The following NBPF20 variants were observed in gnomAD, a reference collection of about 807,000 sequenced individuals.
The protein encoded by NBPF20 is NBPF member 20.
A neutral mutation model predicts 68.1 loss-of-function variants in NBPF20; 90 were observed. The ratio of observed to expected loss-of-function variants is 1.32; its 90% CI spans 1.11 to 1.58. NBPF20 has a LOEUF of 1.58. Ranked by LOEUF, NBPF20 falls within the 40% of genes most tolerant of loss-of-function variation. NBPF20 has a pLI of 0.00. For synonymous variants in NBPF20, 290 were observed against 228.1 expected (o/e 1.27, Z -2.45); for missense variants, 816 against 601.2 (o/e 1.36, Z -3.74).
chr1:145,311,821 C>G (rs1481258103), intron 112 of NBPF20, among the ~76,000 whole-genome samples: 1 of 100,084 alleles, frequency 1.0e-5, no homozygotes, highest in South Asian at 3.3e-4. Context: ...ACTATTCAGC[C>G]CTGTCTCATC....
At chr1:145,410,700 A>ATGTGTGTGTG in the NBPF20 span, among the ~76,000 whole-genome samples, 2 of 118,326 alleles carry the variant, frequency 1.7e-5, no homozygotes, top group Admixed American at 8.9e-5. Context: ...ATATATATAT[A>ATGTGTGTGTG]TGTGTGTGTG....
exon 8 of NBPF20, chr1:145,395,058 A>T (rs1402776346): frequency 1.6e-5 from 26 of 1,611,122 alleles, no homozygotes; most frequent in Non-Finnish European, 2.0e-5. Flanking sequence ...CGAGGCCAAC[A>T]TTTCAGGAGG....
Position 145,334,451 on chromosome 1 carries a change from G to C in NBPF20, c.10225+8C>G. On this transcript the variant is annotated splice_region_variant and intron_variant, in intron 84 of 137. Coordinates refer to ENST00000369373, the Ensembl canonical transcript of NBPF20. ...GGAGGCTTATCACCTTCACAGTAAGGTACTCACTGTCCACGTCAAGAGCCA... is the reference window on the plus strand; with the variant it reads ...GGAGGCTTATCACCTTCACAGTAAGCTACTCACTGTCCACGTCAAGAGCCA... The C allele has an allele frequency of 3.2e-6, 1 of 308,550 alleles. No homozygotes were observed. The highest frequency in any genetic ancestry group is 5.7e-6 in the Non-Finnish European group (1 of 175,562). 19.1% of individuals were successfully genotyped at this position (308,550 alleles called of 1,614,324 possible).
Position 145,401,143 on chromosome 1 carries a change from G to T in NBPF20, c.494-12C>A, listed in dbSNP as rs1217187705. The T allele has an allele frequency of 1.9e-6, 3 of 1,602,738 alleles. No individual in the cohort carries two copies. Among genetic ancestry groups the T allele is most frequent in the Middle Eastern group, 2.3e-4 (1 of 4,440 alleles). The stretch of plus-strand genomic sequence containing the variant: ...ATCGTTGTCATTTTCTGTAAATACA[G>T]AAGTGTTCGTTCAGATATTTCCCAC... On this transcript the variant is annotated splice_polypyrimidine_tract_variant and intron_variant, in intron 4 of 137. Coordinates refer to ENST00000369373, the Ensembl canonical transcript of NBPF20.
At chr1:145,396,775 G>T (rs1553663973) in intron 7 of NBPF20, among the ~76,000 whole-genome samples, 9 of 147,266 alleles carry the variant, frequency 6.1e-5, no homozygotes, top group South Asian at 2.2e-4. Flanking sequence ...TATATATACA[G>T]ATATATATAA....
the NBPF20 span, among the ~76,000 whole-genome samples, chr1:145,410,765 CGTATATATATATAT>C: frequency 2.3e-5 from 2 of 86,342 alleles, no homozygotes; most frequent in African/African-American, 8.8e-5. Context: ...TATATATATA[CGTATATATATATAT>C]ACACACACAT....
At chr1:145,377,680 G>T (rs1339048528) in intron 29 of NBPF20, among the ~76,000 whole-genome samples, 1 of 138,178 alleles carries the variant, frequency 7.2e-6, no homozygotes, top group African/African-American at 2.6e-5. Context: ...AGCTCAGCGA[G>T]TTGGCCGGGT....
exon 138 of NBPF20, chr1:145,291,300 G>C (rs1369440892): frequency 8.8e-6 from 6 of 678,016 alleles, no homozygotes; most frequent in East Asian, 2.7e-5. Context: ...GATCACTCCC[G>C]GCATGTGCTG....
rs1386988629 is a variant in NBPF20, at chr1:145,394,780, A to G, written c.991+198T>C. Among the ~76,000 whole-genome samples the G allele has an allele frequency of 3.5e-3, 526 of 152,258 alleles. 17 individuals carry two copies. In the East Asian group the frequency reaches 0.09, roughly 26 times the overall value. Reference sequence around the variant, plus strand: ...GCACGGGCATGGCCTGAGACTAGGAAGAGAGCAAAGCTCACTGACCCACCC... The same window carrying G: ...GCACGGGCATGGCCTGAGACTAGGAGGAGAGCAAAGCTCACTGACCCACCC... On this transcript the variant is annotated intron_variant, in intron 8 of 137. Coordinates refer to ENST00000369373, the Ensembl canonical transcript of NBPF20.
At chr1:145,424,052 T>G in the NBPF20 span, among the ~76,000 whole-genome samples, 1 of 145,528 alleles carries the variant, frequency 6.9e-6, no homozygotes. Context: ...CACGGCTCAC[T>G]GCAATCTCAA....
At chr1:145,393,854 A>T (rs1427823304) in intron 9 of NBPF20, 30 bp downstream of exon 14, 1 of 1,531,702 alleles carries the variant, frequency 6.5e-7, no homozygotes, top group Non-Finnish European at 8.9e-7. Flanking sequence ...GTCAACATCA[A>T]ATTAACTCTC....
chr1:145,407,310 G>C (rs1662833188), upstream of NBPF20, among the ~76,000 whole-genome samples: 1 of 144,856 alleles, frequency 6.9e-6, no homozygotes, highest in South Asian at 2.2e-4. Context: ...ATAGCATTAG[G>C]AGAAATACCT....
the NBPF20 span, among the ~76,000 whole-genome samples, chr1:145,410,700 A>ATGTGTGTG: frequency 1.1e-4 from 13 of 118,308 alleles, no homozygotes; most frequent in Middle Eastern, 4.3e-3. Flanking sequence ...ATATATATAT[A>ATGTGTGTG]TGTGTGTGTG....
intron 43 of NBPF20, among the ~76,000 whole-genome samples, chr1:145,366,771 A>G (rs1661707796): frequency 3.8e-5 from 1 of 26,142 alleles, no homozygotes; most frequent in Non-Finnish European, 6.4e-5. Context: ...AGTCGCCATG[A>G]GAATACAGTT....
intron 7 of NBPF20, among the ~76,000 whole-genome samples, chr1:145,398,175 G>A (rs1662352779): frequency 2.0e-5 from 3 of 151,850 alleles, no homozygotes. Flanking sequence ...AGATCAATGA[G>A]ACAGAAGCTT....
intron 2 of NBPF20, among the ~76,000 whole-genome samples, chr1:145,403,571 A>G (rs1391176502): frequency 6.6e-6 from 1 of 152,236 alleles, no homozygotes; most frequent in Non-Finnish European, 1.5e-5. Flanking sequence ...ACCACAACGA[A>G]GTGGAGTCAG....
chr1:145,292,314 G>C, intron 137 of NBPF20, 67 bp downstream of exon 142: 3 of 628,140 alleles, frequency 4.8e-6, no homozygotes, highest in South Asian at 1.9e-5. Context: ...ACACACTCTG[G>C]TTTCCCTGAA....
At chr1:145,393,972 C>G (rs1553663051) in intron 8 of NBPF20, 37 bp from the exon 14 acceptor site, 5 of 1,091,556 alleles carry the variant, frequency 4.6e-6, no homozygotes, top group South Asian at 3.7e-5. Flanking sequence ...TTACATTAAG[C>G]AGTTCTTCCT....
At chr1:145,402,119 T>C (rs1662551344) in intron 4 of NBPF20, 48 bp downstream of exon 9, 3 of 1,286,574 alleles carry the variant, frequency 2.3e-6, no homozygotes, top group Middle Eastern at 2.5e-4. Flanking sequence ...GTCTGGAGTC[T>C]CTCATAAGCC....
Sources: gnomAD v4.1 joint callset for allele counts (sites outside exome capture counted in the v4.1 genomes callset) on GRCh38, gnomAD v4.1.1 for gene constraint, MANE v1.5 for transcripts, NCBI Gene and HGNC (gene_info 2026-07-23, HGNC 2026-07-21) for gene names.